DOCK2: variants seen among roughly 807,000 people sequenced by gnomAD.
DOCK2 encodes dedicator of cytokinesis 2.
Under a neutral mutation model 248.9 loss-of-function variants are expected in DOCK2, and 87 were observed. The ratio of observed to expected loss-of-function variants is 0.35; its 90% CI spans 0.29 to 0.42. The LOEUF is 0.42. Ranked by LOEUF, DOCK2 falls within the 10% of genes least tolerant of loss-of-function variation. The pLI is 1.00. For missense variants in DOCK2, 1,747 were observed against 2,300.2 expected (o/e 0.76, Z 4.92); for synonymous variants, 805 against 821.6 (o/e 0.98, Z 0.35).
chr5:169,991,298 C>G, intron 29 of DOCK2, among the ~76,000 whole-genome samples: 1 of 152,236 alleles, frequency 6.6e-6, no homozygotes, highest in East Asian at 1.9e-4. Flanking sequence ...GGGACTTGAG[C>G]CAGCAGGCTC....
chr5:169,818,134 C>T (rs1190590666), intron 26 of DOCK2, among the ~76,000 whole-genome samples: 1 of 152,138 alleles, frequency 6.6e-6, no homozygotes, highest in African/African-American at 2.4e-5. Flanking sequence ...ATGCGTAACC[C>T]ATAATGTTTT....
chr5:169,699,570 C>G, intron 12 of DOCK2, 112 bp downstream of exon 12: 1 of 1,032,842 alleles, frequency 9.7e-7, no homozygotes, highest in African/African-American at 1.6e-5. Context: ...TCCTTCCAGA[C>G]AGACCACTGG....
chr5:169,697,645 C>T (rs901819597), intron 10 of DOCK2, among the ~76,000 whole-genome samples: 1 of 152,154 alleles, frequency 6.6e-6, no homozygotes, highest in Non-Finnish European at 1.5e-5. Context: ...TCTGACTCCC[C>T]TCTCTATCTA....
At chr5:169,700,609 G>A (rs1480278718) in intron 13 of DOCK2, among the ~76,000 whole-genome samples, 1 of 151,794 alleles carries the variant, frequency 6.6e-6, no homozygotes, top group Non-Finnish European at 1.5e-5. Context: ...AAAGTGAAAT[G>A]TTAAAAGTTC....
At position 170,083,055 on chromosome 5, in the gene DOCK2, A is replaced by C. The variant is rs1206327291; in HGVS notation, c.*197A>C. ...CCCAGCATCCCCTGGGGCTGTGATC[A>C]TGGTGGATGAGGAAGCCTCAACGTA... On this transcript the variant is annotated 3_prime_UTR_variant, in exon 52 of 52. Transcript: ENST00000520908. 4.8e-6 allele frequency: 3 copies of C among 623,016 alleles called. No homozygotes were observed. In the East Asian group the frequency reaches 8.6e-5, roughly 18 times the overall value. 38.6% of individuals were successfully genotyped at this position (623,016 alleles called of 1,614,324 possible).
At position 170,069,099 on chromosome 5, in the gene DOCK2, T is replaced by A. The variant is rs1554129807; in HGVS notation, c.4645-38T>A. The A allele has an allele frequency of 2.1e-5, 33 of 1,591,660 alleles. 2 individuals carry two copies. The South Asian group carries it at 3.5e-4, about 17-fold the overall frequency. On this transcript the variant is annotated intron_variant, in intron 45 of 51. Transcript: ENST00000520908. ...AAGAGATTGGCTGTGAAATGCCACATGAACAGGAAACCCTGACCTCCTATC... is the reference window on the plus strand; with the variant it reads ...AAGAGATTGGCTGTGAAATGCCACAAGAACAGGAAACCCTGACCTCCTATC...
At chr5:169,885,463 G>A (rs534081661) in intron 27 of DOCK2, among the ~76,000 whole-genome samples, 68 of 152,302 alleles carry the variant, frequency 4.5e-4, no homozygotes, top group African/African-American at 1.5e-3. Context: ...CAGGACCTGT[G>A]AACTCGTTCT....
intron 6 of DOCK2, among the ~76,000 whole-genome samples, chr5:169,679,860 T>C (rs7709657): frequency 0.2 from 30,199 of 152,060 alleles, 3,311 homozygotes; most frequent in South Asian, 0.31. Context: ...CTGATAGAGA[T>C]GAAGACTTAG....
At chr5:169,846,791 C>G (rs1770343835) in intron 27 of DOCK2, among the ~76,000 whole-genome samples, 1 of 151,816 alleles carries the variant, frequency 6.6e-6, no homozygotes, top group Non-Finnish European at 1.5e-5. Flanking sequence ...TTTAGTGCAC[C>G]CATCACATGA....
At chr5:170,042,917 T>C (rs190539313) in intron 38 of DOCK2, among the ~76,000 whole-genome samples, 6 of 152,360 alleles carry the variant, frequency 3.9e-5, no homozygotes, top group Admixed American at 3.9e-4. Flanking sequence ...CCTAGGAAGT[T>C]CCCAGTGAAT....
intron 27 of DOCK2, among the ~76,000 whole-genome samples, chr5:169,954,872 T>A (rs182136664): frequency 6.6e-6 from 1 of 152,116 alleles, no homozygotes; most frequent in East Asian, 1.9e-4. Flanking sequence ...AAATCAACAG[T>A]GACTTGAACC....
At chr5:169,937,961 A>T (rs1332380571) in intron 27 of DOCK2, among the ~76,000 whole-genome samples, 1 of 152,232 alleles carries the variant, frequency 6.6e-6, no homozygotes, top group Non-Finnish European at 1.5e-5. Flanking sequence ...CAGGAGGTGG[A>T]CATCACCCCC....
intron 32 of DOCK2, 72 bp from the exon 33 acceptor site, chr5:170,018,888 C>G (rs979633704): frequency 6.5e-7 from 1 of 1,547,012 alleles, no homozygotes. Flanking sequence ...TTTTCTTTCC[C>G]CAGGCTTGGT....
intron 14 of DOCK2, chr5:169,703,864 A>T (rs530355996): frequency 1.3e-5 from 2 of 152,192 alleles, no homozygotes. Context: ...CTTTTATCCA[A>T]CTTCCCTGGT....
At chr5:169,726,381 A>T (rs1380163307) in intron 22 of DOCK2, among the ~76,000 whole-genome samples, 1 of 152,120 alleles carries the variant, frequency 6.6e-6, no homozygotes, top group East Asian at 1.9e-4. Flanking sequence ...AATTTGTTTA[A>T]GTTCTTTGTA....
chr5:169,984,413 G>C (rs1778014944), intron 28 of DOCK2, among the ~76,000 whole-genome samples: 1 of 152,138 alleles, frequency 6.6e-6, no homozygotes, highest in Non-Finnish European at 1.5e-5. Flanking sequence ...ACCAGGCTCT[G>C]TACTAAGCAT....
intron 27 of DOCK2, among the ~76,000 whole-genome samples, chr5:169,896,517 A>G (rs2113560578): frequency 6.6e-6 from 1 of 152,326 alleles, no homozygotes; most frequent in South Asian, 2.1e-4. Flanking sequence ...TGTAGCTAAT[A>G]ATATTACTTA....
At chr5:169,982,367 GT>G (rs1377667789) in intron 27 of DOCK2, among the ~76,000 whole-genome samples, 1 of 152,154 alleles carries the variant, frequency 6.6e-6, no homozygotes, top group Non-Finnish European at 1.5e-5. Context: ...ATGTCTTCTG[GT>G]GCATGAAAGG....
At chr5:169,787,706 C>CTT (rs71575577) in intron 25 of DOCK2, among the ~76,000 whole-genome samples, 6 of 136,548 alleles carry the variant, frequency 4.4e-5, no homozygotes, top group Admixed American at 3.7e-4. Context: ...TCCACTTTTG[C>CTT]TTTTTTTTTT....
Sources: allele counts gnomAD v4.1 joint callset (sites outside exome capture counted in the v4.1 genomes callset), GRCh38; gene constraint gnomAD v4.1.1; transcripts MANE v1.5; gene names NCBI Gene and HGNC (gene_info 2026-07-23, HGNC 2026-07-21).